TBC1D22A: variants seen among roughly 807,000 people sequenced by gnomAD.
TBC1D22A encodes the protein putative GTPase activator.
Under a neutral mutation model 60.2 loss-of-function variants are expected in TBC1D22A, and 38 were observed. That is an observed-to-expected ratio of 0.63 (90% CI 0.49 to 0.83). The LOEUF (loss-of-function observed/expected upper bound fraction) is 0.83, where lower values mean the gene tolerates loss of function less well. Ranked by LOEUF, TBC1D22A falls within the 40% of genes least tolerant of loss-of-function variation. The probability of loss-of-function intolerance (pLI) is 0.00; values close to 1 mark genes in which losing one functional copy is unlikely to be tolerated. For synonymous variants in TBC1D22A, 302 were observed against 281.7 expected (o/e 1.07, Z -0.72); for missense variants, 628 against 701.0 (o/e 0.90, Z 1.18).
chr22:46,973,188 C>T (rs1418211776), intron 8 of TBC1D22A, among the ~76,000 whole-genome samples: 1 of 152,212 alleles, frequency 6.6e-6, no homozygotes, highest in Non-Finnish European at 1.5e-5. Context: ...GTGAGGTGGG[C>T]CTCTGGGTCC....
At position 47,090,384 on chromosome 22, in the gene TBC1D22A, C is replaced by A. The variant is rs530085364; in HGVS notation, c.1330-21124C>A. On this transcript the variant is annotated intron_variant, in intron 11 of 12. Transcript: ENST00000337137. Reference sequence around the variant, plus strand: ...TGCATAGACATTTCTGCCTGGATGCCACTCCAGGGTGGATGTGCTCGTCCC... The same window carrying A: ...TGCATAGACATTTCTGCCTGGATGCAACTCCAGGGTGGATGTGCTCGTCCC... 1.3e-4 allele frequency among the ~76,000 whole-genome samples: 20 copies of A among 152,364 alleles called. 1 individual carries two copies. The South Asian group carries it at 4.1e-3, about 32-fold the overall frequency.
intron 1 of TBC1D22A, among the ~76,000 whole-genome samples, chr22:46,785,444 G>A (rs1189691172): frequency 1.3e-5 from 2 of 152,216 alleles, no homozygotes; most frequent in African/African-American, 4.8e-5. Flanking sequence ...GATACAGATA[G>A]AACACAATTC....
chr22:47,053,490 G>C (rs1486702511), intron 11 of TBC1D22A, among the ~76,000 whole-genome samples: 1 of 152,222 alleles, frequency 6.6e-6, no homozygotes. Context: ...CAGGAGTGCT[G>C]CTCCCCAGTG....
intron 10 of TBC1D22A, among the ~76,000 whole-genome samples, chr22:47,008,265 C>G (rs1045586991): frequency 6.6e-6 from 1 of 152,168 alleles, no homozygotes; most frequent in Non-Finnish European, 1.5e-5. Flanking sequence ...CTGTGTGGAG[C>G]TCTCAGTGTG....
chr22:46,878,324 A>AGG (rs2067666829), intron 4 of TBC1D22A, among the ~76,000 whole-genome samples: 16 of 10,532 alleles, frequency 1.5e-3, no homozygotes, highest in South Asian at 9.0e-3. Flanking sequence ...GGTGGGAGGG[A>AGG]GAGAGAGAAG....
chr22:46,864,053 A>G (rs2147374315), intron 4 of TBC1D22A, among the ~76,000 whole-genome samples: 1 of 152,266 alleles, frequency 6.6e-6, no homozygotes, highest in Admixed American at 6.5e-5. Flanking sequence ...CTAGTGGAGC[A>G]TTTGTCCAGC....
intron 10 of TBC1D22A, among the ~76,000 whole-genome samples, chr22:47,019,479 G>T (rs1393400987): frequency 6.6e-6 from 1 of 152,198 alleles, no homozygotes; most frequent in African/African-American, 2.4e-5. Context: ...TTGAAGAAGT[G>T]TCCAGAGAAA....
At chr22:47,019,742 C>T (rs1334274915) in intron 10 of TBC1D22A, among the ~76,000 whole-genome samples, 2 of 152,000 alleles carry the variant, frequency 1.3e-5, no homozygotes, top group Non-Finnish European at 2.9e-5. Flanking sequence ...ATGATCCATC[C>T]TACCCATCCA....
At chr22:46,941,966 C>CAG (rs1349545185) in intron 8 of TBC1D22A, among the ~76,000 whole-genome samples, 5 of 136,012 alleles carry the variant, frequency 3.7e-5, no homozygotes, top group African/African-American at 1.4e-4. Flanking sequence ...CACACACACA[C>CAG]AGTCCACCCT....
Position 47,143,145 on chromosome 22 carries a change from C to T in TBC1D22A, c.1426-30353C>T, listed in dbSNP as rs79396188. Among the ~76,000 whole-genome samples the T allele has an allele frequency of 5.5e-3, 839 of 152,126 alleles. 10 individuals are homozygous for T. Among genetic ancestry groups the T allele is most frequent in the African/African-American group, 0.018 (752 of 41,538 alleles). ...AAGGACCTTTTCTCCTGGAAGCCCC[C>T]GTCTCTCTCTCTCCCAGAAGGGGAA... On this transcript the variant is annotated intron_variant, in intron 12 of 12. Transcript: ENST00000337137.
chr22:47,168,998 G>T (rs894584693), intron 12 of TBC1D22A, among the ~76,000 whole-genome samples: 1 of 151,114 alleles, frequency 6.6e-6, no homozygotes, highest in Non-Finnish European at 1.5e-5. Flanking sequence ...CTGCCCTCCG[G>T]CATTGGGAGC....
chr22:46,773,878 T>G, intron 1 of TBC1D22A: 1 of 951,118 alleles, frequency 1.1e-6, no homozygotes, highest in Non-Finnish European at 1.3e-6. Context: ...CTGAGCTACG[T>G]GCTCAAAGCC....
intron 12 of TBC1D22A, among the ~76,000 whole-genome samples, chr22:47,171,997 G>T (rs112290696): frequency 1.4e-5 from 2 of 138,900 alleles, no homozygotes; most frequent in African/African-American, 6.0e-5. Context: ...CAGTGCGCCC[G>T]GTGAGCCCAG....
chr22:46,828,351 C>G (rs943667447), intron 4 of TBC1D22A, among the ~76,000 whole-genome samples: 1 of 152,236 alleles, frequency 6.6e-6, no homozygotes, highest in Non-Finnish European at 1.5e-5. Context: ...TTTGAAGCAG[C>G]CTGTTGTCCT....
chr22:46,942,414 G>T (rs913767971), intron 8 of TBC1D22A, among the ~76,000 whole-genome samples: 1 of 152,132 alleles, frequency 6.6e-6, no homozygotes, highest in Non-Finnish European at 1.5e-5. Context: ...AGTGACTTCC[G>T]TGGGTAATTA....
At chr22:46,924,964 C>G (rs2070968438) in intron 8 of TBC1D22A, among the ~76,000 whole-genome samples, 1 of 152,168 alleles carries the variant, frequency 6.6e-6, no homozygotes, top group East Asian at 1.9e-4. Flanking sequence ...AGAGAACATG[C>G]TCACAGCTGG....
At chr22:47,110,611 C>G (rs1036708586) in intron 11 of TBC1D22A, among the ~76,000 whole-genome samples, 1 of 152,204 alleles carries the variant, frequency 6.6e-6, no homozygotes, top group African/African-American at 2.4e-5. Context: ...TGTTCCTCGT[C>G]CCAGTCTTTG....
At chr22:47,154,182 G>C (rs2067619853) in intron 12 of TBC1D22A, among the ~76,000 whole-genome samples, 1 of 152,118 alleles carries the variant, frequency 6.6e-6, no homozygotes, top group African/African-American at 2.4e-5. Context: ...GAACAGACAT[G>C]TCCCCGGAGC....
intron 11 of TBC1D22A, among the ~76,000 whole-genome samples, chr22:47,056,460 C>A (rs1022250556): frequency 6.6e-6 from 1 of 152,062 alleles, no homozygotes; most frequent in Non-Finnish European, 1.5e-5. Context: ...GCAGATGAGG[C>A]CACCCCCCTT....
Sources: gnomAD v4.1 joint callset for allele counts (sites outside exome capture counted in the v4.1 genomes callset) on GRCh38, gnomAD v4.1.1 for gene constraint, MANE v1.5 for transcripts, NCBI Gene and HGNC (gene_info 2026-07-23, HGNC 2026-07-21) for gene names.